Variants in SMIM35 observed in about 807,000 individuals in gnomAD.
SMIM35 encodes small integral membrane protein 35, also known as TMPRSS4 antisense RNA 1 (non-protein coding).
chr11:118,080,565 T>G (rs1226072884), intron 1 of SMIM35, among the ~76,000 whole-genome samples: 1 of 152,030 alleles, frequency 6.6e-6, no homozygotes, highest in Admixed American at 6.6e-5. Context: ...GCCTCTCTCC[T>G]CCTCTCAGTC....
chr11:118,016,196 G>T (rs1398974882), intron 1 of SMIM35, among the ~76,000 whole-genome samples: 1 of 152,080 alleles, frequency 6.6e-6, no homozygotes, highest in Non-Finnish European at 1.5e-5. Context: ...CACAGACCGG[G>T]GACCCTCAGT....
At chr11:118,053,388 C>G (rs1236137971) in intron 1 of SMIM35, among the ~76,000 whole-genome samples, 2 of 151,462 alleles carry the variant, frequency 1.3e-5, no homozygotes, top group African/African-American at 4.9e-5. Flanking sequence ...AGGTACAGGG[C>G]AAATGTTCCT....
intron 1 of SMIM35, chr11:118,059,068 C>T (rs945539572): frequency 3.9e-5 from 6 of 152,290 alleles, no homozygotes; most frequent in Admixed American, 6.5e-5. Context: ...CCCACACTGG[C>T]GTCTGCACAC....
chr11:118,076,103 A>G (rs1403213656), intron 1 of SMIM35, among the ~76,000 whole-genome samples: 2 of 152,176 alleles, frequency 1.3e-5, no homozygotes, highest in African/African-American at 4.8e-5. Context: ...CCCCATCTCT[A>G]CTAAAAATAC....
rs2058162780 is a variant in SMIM35, at chr11:118,013,866, A to G, written c.173T>C (p.Leu58Pro). Residue 58 changes from leucine (L) to proline (P), a missense_variant, in exon 4 of 5, where the codon CTG becomes CCG. Physicochemically the swap from Leu to Pro is moderately conservative, Grantham distance 98 (BLOSUM62 -3). Transcript: ENST00000689828. ...GATGGTGAAGGGTGGACCCATCTCC[A>G]GATCCTTCAGGTTCCTGAAAAAGAT... is the stretch of plus-strand genomic sequence containing the variant. ...NLYQIRNLKD[L>P]EMGPPFTISG... 1.0e-5 allele frequency: 4 copies of G among 398,976 alleles called. No individual in the cohort carries two copies. The highest frequency in any genetic ancestry group is 1.8e-5 in the Non-Finnish European group (4 of 226,104). The allele number at this position is 398,976 out of a possible 1,614,324, so 24.7% of individuals were successfully genotyped here.
At chr11:118,036,446 A>G (rs913549602) in intron 1 of SMIM35, among the ~76,000 whole-genome samples, 3 of 152,244 alleles carry the variant, frequency 2.0e-5, no homozygotes, top group African/African-American at 7.2e-5. Context: ...TTACAAAGGT[A>G]TTTTCTAAAC....
At chr11:118,066,356 G>T (rs186368639) in intron 1 of SMIM35, among the ~76,000 whole-genome samples, 1 of 151,958 alleles carries the variant, frequency 6.6e-6, no homozygotes, top group South Asian at 2.1e-4. Context: ...CACCTGGACC[G>T]CTGCATGAGT....
At chr11:118,079,524 C>T (rs1409862599) in intron 1 of SMIM35, among the ~76,000 whole-genome samples, 1 of 152,196 alleles carries the variant, frequency 6.6e-6, no homozygotes, top group African/African-American at 2.4e-5. Context: ...ATAGCTGAGG[C>T]CTGGAGGGAA....
intron 1 of SMIM35, among the ~76,000 whole-genome samples, chr11:118,071,706 T>C (rs1260545267): frequency 1.3e-5 from 2 of 152,160 alleles, no homozygotes; most frequent in African/African-American, 4.8e-5. Context: ...CCTCAGGGGT[T>C]CATCTATGTC....
intron 1 of SMIM35, among the ~76,000 whole-genome samples, chr11:118,086,523 G>A (rs886605715): frequency 2.0e-5 from 3 of 152,266 alleles, no homozygotes; most frequent in East Asian, 1.9e-4. Context: ...GAATTTCTGC[G>A]TGAGAGCTTA....
At chr11:118,083,622 C>A (rs1945323175) in intron 1 of SMIM35, among the ~76,000 whole-genome samples, 1 of 152,100 alleles carries the variant, frequency 6.6e-6, no homozygotes, top group Non-Finnish European at 1.5e-5. Flanking sequence ...TTATTAATAA[C>A]TAATAAAAAT....
At position 118,077,387 on chromosome 11, in the gene SMIM35, A is replaced by G. The variant is rs370372265; in HGVS notation, c.7+9364T>C. 15 of 1,463,698 alleles carry G rather than the reference A, an allele frequency of 1.0e-5. No individual in the cohort carries two copies. In the African/African-American group the frequency reaches 1.9e-4, roughly 18 times the overall value. The allele number at this position is 1,463,698 out of a possible 1,614,324, so 90.7% of individuals were successfully genotyped here. A position where few individuals can be genotyped will look rare whatever the true frequency, so the allele number is the denominator to read the frequency against. On this transcript the variant is annotated intron_variant, in intron 1 of 4. Transcript: ENST00000689828. The stretch of plus-strand genomic sequence containing the variant: ...GGCCCTTCAAGCAGCCTGAGCATCC[A>G]TCAGCTGAGAATTCTGTGACACCTT...
At chr11:118,018,076 A>G (rs889521003) in intron 1 of SMIM35, among the ~76,000 whole-genome samples, 7 of 152,148 alleles carry the variant, frequency 4.6e-5, no homozygotes, top group Non-Finnish European at 1.0e-4. Flanking sequence ...TCTAGAGTGA[A>G]AATGTCTAGG....
chr11:118,011,573 C>T (rs1170607968), intron 4 of SMIM35, among the ~76,000 whole-genome samples: 1 of 152,016 alleles, frequency 6.6e-6, no homozygotes, highest in African/African-American at 2.4e-5. Context: ...ACACCTGTAA[C>T]CCCAGCTACT....
intron 1 of SMIM35, among the ~76,000 whole-genome samples, chr11:118,048,899 T>G (rs1309145671): frequency 7.8e-6 from 1 of 128,090 alleles, no homozygotes; most frequent in Admixed American, 9.3e-5. Context: ...CCCTTCAGCT[T>G]TCCTTCCTCC....
intron 1 of SMIM35, among the ~76,000 whole-genome samples, chr11:118,078,131 C>T (rs1944836847): frequency 6.6e-6 from 1 of 151,974 alleles, no homozygotes; most frequent in Non-Finnish European, 1.5e-5. Context: ...CTTTTCATGC[C>T]CTCACCCTCT....
intron 1 of SMIM35, among the ~76,000 whole-genome samples, chr11:118,051,810 A>G (rs1944218949): frequency 1.3e-5 from 2 of 150,204 alleles, no homozygotes; most frequent in Admixed American, 6.7e-5. Context: ...CAGCAGGGCA[A>G]TCTTAGTTTA....
intron 1 of SMIM35, among the ~76,000 whole-genome samples, chr11:118,026,722 C>G (rs892296581): frequency 2.0e-5 from 3 of 152,124 alleles, no homozygotes; most frequent in Admixed American, 6.5e-5. Flanking sequence ...ATCCTCAGCA[C>G]TTTGGGAGAC....
At chr11:118,073,600 G>T (rs564795837) in intron 1 of SMIM35, among the ~76,000 whole-genome samples, 1 of 152,336 alleles carries the variant, frequency 6.6e-6, no homozygotes, top group South Asian at 2.1e-4. Flanking sequence ...TGAGCGTCAG[G>T]CTGGCCCATA....
Sources: allele counts gnomAD v4.1 joint callset (sites outside exome capture counted in the v4.1 genomes callset), GRCh38; gene constraint gnomAD v4.1.1; transcripts MANE v1.5; gene names NCBI Gene and HGNC (gene_info 2026-07-23, HGNC 2026-07-21).